MAST1: variants seen among roughly 807,000 people sequenced by gnomAD.
MAST1 encodes microtubule-associated serine/threonine-protein kinase 1.
In MAST1, 40 loss-of-function variants were observed where a neutral mutation model predicts 124.6. That is an observed-to-expected ratio of 0.32 (90% CI 0.25 to 0.42). The LOEUF is 0.42. Among genes scored for constraint, MAST1 ranks in the 10% least tolerant of loss-of-function variants. MAST1 has a pLI of 1.00. For synonymous variants in MAST1, 938 were observed against 939.4 expected (o/e 1.00, Z 0.03); for missense variants, 1,558 against 2,181.9 (o/e 0.71, Z 5.70).
Position 12,865,900 on chromosome 19 carries a change from C to T in MAST1, c.1907-80C>T. 6.2e-7 allele frequency: 1 copy of T among 1,605,558 alleles called. No homozygotes were observed. ...ACCCCAGGCCCAGCCTGTGCTGTGG[C>T]CCCGGGGCGGAAGACATGGGGGGCG... On this transcript the variant is annotated intron_variant, in intron 16 of 25. Coordinates refer to ENST00000251472, the MANE Select transcript of MAST1 (RefSeq NM_014975.3). This position sits in a 1 kb window ranked among gnomAD's most constrained non-coding sequence, Gnocchi z 7.1.
chr19:12,868,565 G>A (rs1970192097), intron 20 of MAST1, 78 bp from the exon 21 acceptor site: 10 of 1,302,036 alleles, frequency 7.7e-6, no homozygotes, highest in African/African-American at 1.5e-5. Flanking sequence ...AGTGGAAAGA[G>A]CATTCCAGGC....
In MAST1 at chr19:12,843,610, G is replaced by A; in HGVS notation, c.327+3G>A. On this transcript the variant is annotated splice_donor_region_variant and intron_variant, in intron 4 of 25. Transcript: ENST00000251472. The surrounding 1 kb of genome is among the most constrained non-coding windows in gnomAD (Gnocchi z 4.9). ...ACACGCCCAGTTCCACCGTCTCGGTGAGTGTGGAAAGTAGGTGGGTGGGCC... is the reference window on the plus strand; with the variant it reads ...ACACGCCCAGTTCCACCGTCTCGGTAAGTGTGGAAAGTAGGTGGGTGGGCC... 1 of 1,613,074 alleles carries A rather than the reference G, an allele frequency of 6.2e-7. No individual in the cohort carries two copies. The highest frequency in any genetic ancestry group is 8.5e-7 in the Non-Finnish European group (1 of 1,179,614).
intron 7 of MAST1, chr19:12,848,599 C>G (rs1969925513): frequency 6.6e-6 from 1 of 152,450 alleles, no homozygotes; most frequent in African/African-American, 2.4e-5. Context: ...TGTACTCCAG[C>G]CTGGGCGACA....
rs745777773 is a variant in MAST1, at chr19:12,852,253, G to A, written c.1009+6G>A. ...CACCCGTGACCCCTTTCCAGGTGCC[G>A]GCTGGTGGGCGCAGGGGGACTGGGG... On this transcript the variant is annotated splice_donor_region_variant and intron_variant, in intron 9 of 25. Transcript: ENST00000251472. 1.2e-5 allele frequency: 19 copies of A among 1,613,988 alleles called. No individual in the cohort carries two copies. Among genetic ancestry groups the A allele is most frequent in the Middle Eastern group, 1.7e-4 (1 of 6,060 alleles).
At chr19:12,861,802 A>G (rs1423087520) in intron 12 of MAST1, among the ~76,000 whole-genome samples, 1 of 151,134 alleles carries the variant, frequency 6.6e-6, no homozygotes, top group South Asian at 2.1e-4. Context: ...TCCCGGGTTC[A>G]AGCGATTCTC....
At chr19:12,849,055 T>C (rs1438958452) in intron 7 of MAST1, 1 of 152,284 alleles carries the variant, frequency 6.6e-6, no homozygotes, top group Admixed American at 6.5e-5. Context: ...CTCAGCACCA[T>C]CCATCATACT....
At position 12,841,069 on chromosome 19, in the gene MAST1, G is replaced by T. The variant is rs751999360; in HGVS notation, c.248+3G>T. 6.7e-7 allele frequency: 1 copy of T among 1,488,294 alleles called. No individual in the cohort carries two copies. The highest frequency in any genetic ancestry group is 9.4e-7 in the Non-Finnish European group (1 of 1,065,018). 92.2% of individuals were successfully genotyped at this position (1,488,294 alleles called of 1,614,324 possible). A position where few individuals can be genotyped will look rare whatever the true frequency, so the allele number is the denominator to read the frequency against. On this transcript the variant is annotated splice_donor_region_variant and intron_variant, in intron 3 of 25. Coordinates refer to ENST00000251472, the MANE Select transcript of MAST1 (RefSeq NM_014975.3). The surrounding 1 kb of genome is among the most constrained non-coding windows in gnomAD (Gnocchi z 4.3). The stretch of plus-strand genomic sequence containing the variant: ...TTCTCGTTTGCCTCCTCCCGAAGGT[G>T]AGTCCCTCCCCTCCAGGGCCCCAGA...
Position 12,869,135 on chromosome 19 carries a change from C to T in MAST1, c.2843C>T (p.Ser948Leu). Reference protein sequence around the residue: ...SPRSLSSNPSSRDSSPSRDYS... With the variant: ...SPRSLSSNPSLRDSSPSRDYS... Reference sequence around the variant, plus strand: ...CGATCTCTGTCCTCCAACCCATCCTCACGGGACTCCTCACCCAGCCGGGAC... The same window carrying T: ...CGATCTCTGTCCTCCAACCCATCCTTACGGGACTCCTCACCCAGCCGGGAC... The change falls in exon 22 of 26, where the codon TCA becomes TTA. Residue 948 changes from serine to leucine, a missense_variant. Around this residue, in one of 10 missense-constraint regions of MAST1, gnomAD observed 291 missense variants for 475.8 expected, o/e 0.61. Transcript: ENST00000251472. The T allele has an allele frequency of 6.2e-7, 1 of 1,614,232 alleles. No individual in the cohort carries two copies. Among genetic ancestry groups the T allele is most frequent in the Non-Finnish European group, 8.5e-7 (1 of 1,180,052 alleles).
rs1568408258 is a variant in MAST1, at chr19:12,847,824, GC to G, written c.565-20del. 1.3e-6 allele frequency: 2 copies of G among 1,596,510 alleles called. No individual in the cohort carries two copies. Among genetic ancestry groups the G allele is most frequent in the Non-Finnish European group, 8.5e-7 (1 of 1,171,146 alleles). On this transcript the variant is annotated intron_variant, in intron 6 of 25. Coordinates refer to ENST00000251472, the MANE Select transcript of MAST1 (RefSeq NM_014975.3). The surrounding 1 kb of genome is among the most constrained non-coding windows in gnomAD (Gnocchi z 5.5). ...CCGCAGCCTTCGGGCACAGCCCCGC[GC>G]CCCTCCTCCGTCCCTCCCGCAGGCC... is the stretch of plus-strand genomic sequence containing the variant.
Position 12,867,925 on chromosome 19 carries a change from C to T in MAST1, c.2514C>T (p.Pro838=). 1 of 1,595,340 alleles carries T rather than the reference C, an allele frequency of 6.3e-7. No homozygotes were observed. Among genetic ancestry groups the T allele is most frequent in the Admixed American group, 1.8e-5 (1 of 54,876 alleles). The change falls in exon 20 of 26, where the codon CCC becomes CCT. Residue 838 remains proline (P), a synonymous_variant. Coordinates refer to ENST00000251472, the MANE Select transcript of MAST1 (RefSeq NM_014975.3). ...CGGGATCCCTGGATGCACGGGCCCC[C>T]AAAGAGGAGACTCAAGGGGAAGGCA... is the stretch of plus-strand genomic sequence containing the variant. ...DPAGSLDARA[P]KEETQGEGTS...
chr19:12,858,948 C>G, intron 12 of MAST1: 1 of 613,854 alleles, frequency 1.6e-6, no homozygotes, highest in East Asian at 2.7e-5. Flanking sequence ...TCATTTCATT[C>G]AGCATAAAAA....
intron 22 of MAST1, among the ~76,000 whole-genome samples, chr19:12,870,045 G>C (rs1284025684): frequency 6.6e-6 from 1 of 150,428 alleles, no homozygotes; most frequent in Non-Finnish European, 1.5e-5. Flanking sequence ...GCTGGGCATG[G>C]TGGTGGGCGC....
In MAST1 at chr19:12,867,920, G is replaced by T; in HGVS notation, c.2509G>T (p.Ala837Ser). The change falls in exon 20 of 26, where the codon GCC (alanine) becomes TCC (serine). Residue 837 changes from alanine to serine, a missense_variant. Physicochemically the swap from Ala to Ser is moderately conservative, Grantham distance 99 (BLOSUM62 1). Transcript: ENST00000251472. ...CCCCGCGGGATCCCTGGATGCACGG[G>T]CCCCCAAAGAGGAGACTCAAGGGGA... is the stretch of plus-strand genomic sequence containing the variant. ...SDPAGSLDAR[A>S]PKEETQGEGT... 1 of 1,598,744 alleles carries T rather than the reference G, an allele frequency of 6.3e-7. No homozygotes were observed. The highest frequency in any genetic ancestry group is 8.5e-7 in the Non-Finnish European group (1 of 1,174,016).
chr19:12,864,393 C>CA (rs35351874), intron 12 of MAST1, among the ~76,000 whole-genome samples: 23,882 of 118,390 alleles, frequency 0.2, 2,792 homozygotes, highest in East Asian at 0.58. Context: ...GACCCTGTCT[C>CA]AAAAAAAAAA....
At position 12,865,341 on chromosome 19, in the gene MAST1, C is replaced by A; in HGVS notation, c.1664C>A (p.Ala555Glu). The change falls in exon 15 of 26, where the codon GCG becomes GAG. Residue 555 changes from alanine (A) to glutamate (E), a missense_variant. Coordinates refer to ENST00000251472, the MANE Select transcript of MAST1 (RefSeq NM_014975.3). This position sits in a 1 kb window ranked among gnomAD's most constrained non-coding sequence, Gnocchi z 7.1. ...GTGTGTGGGACCCCAGAGTACATCGCGCCCGAGGTCATCCTGCGTCAAGGC... is the reference window on the plus strand; with the variant it reads ...GTGTGTGGGACCCCAGAGTACATCGAGCCCGAGGTCATCCTGCGTCAAGGC... ...KQVCGTPEYI[A>E]PEVILRQGYG... is the part of the protein sequence containing the mutation. The A allele has an allele frequency of 6.2e-7, 1 of 1,602,674 alleles. No homozygotes were observed.
chr19:12,855,796 C>T (rs1347087782), intron 10 of MAST1, among the ~76,000 whole-genome samples: 2 of 152,164 alleles, frequency 1.3e-5, no homozygotes, highest in African/African-American at 2.4e-5. Context: ...TTGTAGGATT[C>T]TGTTATTCCT....
rs577800702 is a variant in MAST1, at chr19:12,848,091, C to A, written c.774+34C>A. Reference sequence around the variant, plus strand: ...ACGCGGAGGCCGGGCTGATCTCAGGCTCAGCACCGCCAGATTGTGCCCAAT... The same window carrying A: ...ACGCGGAGGCCGGGCTGATCTCAGGATCAGCACCGCCAGATTGTGCCCAAT... On this transcript the variant is annotated intron_variant, in intron 7 of 25. Transcript: ENST00000251472. 4.9e-5 allele frequency: 77 copies of A among 1,584,190 alleles called. No individual in the cohort carries two copies. In the South Asian group the frequency reaches 7.6e-4, roughly 16 times the overall value.
Position 12,847,122 on chromosome 19 carries a change from T to A in MAST1, c.328-168T>A. 1 of 603,696 alleles carries A rather than the reference T, an allele frequency of 1.7e-6. No homozygotes were observed. The highest frequency in any genetic ancestry group is 2.9e-5 in the Admixed American group (1 of 34,136). 37.4% of individuals were successfully genotyped at this position (603,696 alleles called of 1,614,324 possible). ...ACCCCTGTCTGTCCCTGTCCACCTG[T>A]CTGTGGCCAAGAGTCCCAGCCAAGA... On this transcript the variant is annotated intron_variant, in intron 4 of 25. Transcript: ENST00000251472. The surrounding 1 kb of genome is among the most constrained non-coding windows in gnomAD (Gnocchi z 5.5).
chr19:12,844,283 A>G (rs1969865691), intron 4 of MAST1, among the ~76,000 whole-genome samples: 1 of 152,166 alleles, frequency 6.6e-6, no homozygotes, highest in Non-Finnish European at 1.5e-5. Flanking sequence ...GGAACACCCA[A>G]AGTCCCTTCA....
Sources: allele counts gnomAD v4.1 joint callset (sites outside exome capture counted in the v4.1 genomes callset), GRCh38; gene constraint gnomAD v4.1.1; regional missense constraint gnomAD v4.1.1; non-coding constraint Gnocchi (gnomAD v3.1); transcripts MANE v1.5; gene names NCBI Gene and HGNC (gene_info 2026-07-23, HGNC 2026-07-21).